The following ANKHD1 variants were observed in gnomAD, a reference collection of about 807,000 sequenced individuals.
The protein encoded by ANKHD1 is ankyrin repeat and KH domain-containing protein 1.
A neutral mutation model predicts 230.5 loss-of-function variants in ANKHD1; 31 were observed. The ratio of observed to expected loss-of-function variants is 0.13; its 90% CI spans 0.10 to 0.18. The LOEUF (loss-of-function observed/expected upper bound fraction) is 0.18. ANKHD1 is among the 10% of genes least tolerant of loss of function. ANKHD1 has a pLI of 1.00. For synonymous variants in ANKHD1, 1,074 were observed against 1,117.6 expected, an observed-to-expected ratio of 0.96 and a Z score of 0.78; for missense variants, 2,256 against 3,071.3, an observed-to-expected ratio of 0.73 and a Z score of 6.27.
chr5:140,459,358 A>T lies in ANKHD1; in HGVS notation c.1672+3A>T, dbSNP rs777265217. The T allele has an allele frequency of 6.4e-7, 1 of 1,556,596 alleles. No individual in the cohort carries two copies. Among genetic ancestry groups the T allele is most frequent in the East Asian group, 2.3e-5 (1 of 43,650 alleles). On this transcript the variant is annotated splice_donor_region_variant and intron_variant, in intron 9 of 33. Transcript: ENST00000360839. ...GGTTAAATATTTGCTGGCTTCTGGT[A>T]TGTGGCTTTAAGATGCCTTATTGCT...
At chr5:140,468,052 C>CTTTTTTTTTT (rs869172143) in intron 10 of ANKHD1, among the ~76,000 whole-genome samples, 8 of 52,412 alleles carry the variant, frequency 1.5e-4, no homozygotes, top group African/African-American at 1.8e-4. Context: ...TGTACTAATT[C>CTTTTTTTTTT]TTTTTTTTTT....
At chr5:140,484,610 T>G (rs1333904171) in intron 11 of ANKHD1, 1 of 152,204 alleles carries the variant, frequency 6.6e-6, no homozygotes, top group Admixed American at 6.5e-5. Context: ...CTTTGAAACA[T>G]TTTGAGTTAT....
chr5:140,514,185 A>G (rs1162710286), intron 24 of ANKHD1, among the ~76,000 whole-genome samples: 3 of 133,376 alleles, frequency 2.2e-5, no homozygotes, highest in African/African-American at 8.2e-5. Flanking sequence ...CTCTCTCTCT[A>G]TTAAAAAAAA....
At chr5:140,444,381 G>A (rs914371726) in intron 5 of ANKHD1, among the ~76,000 whole-genome samples, 5 of 152,120 alleles carry the variant, frequency 3.3e-5, no homozygotes, top group Non-Finnish European at 5.9e-5. Flanking sequence ...TCAGTAAGTT[G>A]CACCTACTGC....
At chr5:140,437,549 T>A (rs1773543138) in intron 2 of ANKHD1, among the ~76,000 whole-genome samples, 1 of 151,904 alleles carries the variant, frequency 6.6e-6, no homozygotes, top group Non-Finnish European at 1.5e-5. Flanking sequence ...CTAAAAAAAA[T>A]ACAAAAATTA....
intron 14 of ANKHD1, among the ~76,000 whole-genome samples, chr5:140,495,347 G>A (rs376960801): frequency 4.7e-5 from 7 of 150,528 alleles, no homozygotes; most frequent in African/African-American, 1.5e-4. Flanking sequence ...CCGGGTTCAC[G>A]CCATTCTCCT....
chr5:140,407,379 G>C (rs1393860171), intron 1 of ANKHD1, among the ~76,000 whole-genome samples: 1 of 151,034 alleles, frequency 6.6e-6, no homozygotes, highest in Non-Finnish European at 1.5e-5. Flanking sequence ...TTACAGGTGT[G>C]AGCCACCACA....
In ANKHD1 at chr5:140,539,586, T is replaced by C. The variant is rs957306105; in HGVS notation, c.*168T>C. ...TTGATTTCCTATCCACCTGATTATGTTCTCTGGTTAGTTTAGCCATTTTGA... is the reference window on the plus strand; with the variant it reads ...TTGATTTCCTATCCACCTGATTATGCTCTCTGGTTAGTTTAGCCATTTTGA... On this transcript the variant is annotated 3_prime_UTR_variant, in exon 34 of 34. Transcript: ENST00000360839. The C allele has an allele frequency of 2.7e-6, 2 of 753,700 alleles. No homozygotes were observed. The highest frequency in any genetic ancestry group is 3.5e-5 in the African/African-American group (2 of 56,538). 46.7% of individuals were successfully genotyped at this position (753,700 alleles called of 1,614,324 possible). A position where few individuals can be genotyped will look rare whatever the true frequency, so the allele number is the denominator to read the frequency against.
At chr5:140,409,016 A>T (rs991034327) in intron 1 of ANKHD1, among the ~76,000 whole-genome samples, 1 of 151,872 alleles carries the variant, frequency 6.6e-6, no homozygotes, top group African/African-American at 2.4e-5. Context: ...TACCCACTAG[A>T]TGCCAGTAGA....
rs141650611 is a variant in ANKHD1, at chr5:140,414,073, G to T, written c.306+11800G>T. Among the ~76,000 whole-genome samples, 333 of 152,248 alleles carry T rather than the reference G, an allele frequency of 2.2e-3. 2 individuals are homozygous for T. The highest frequency in any genetic ancestry group is 7.8e-3 in the African/African-American group (322 of 41,542). On this transcript the variant is annotated intron_variant, in intron 1 of 33. Transcript: ENST00000360839. ...TGGGATTACAGGTGTGAGCCACTGT[G>T]CCCGGTCTATCTGTTCATCTGTTGA...
chr5:140,508,479 C>T (rs1423626896), intron 20 of ANKHD1, among the ~76,000 whole-genome samples: 5 of 152,078 alleles, frequency 3.3e-5, no homozygotes, highest in African/African-American at 1.2e-4. Context: ...GGAGGCTGGG[C>T]GCGGTGGCTC....
At chr5:140,505,980 G>A in intron 18 of ANKHD1, 111 bp downstream of exon 18, 2 of 1,480,168 alleles carry the variant, frequency 1.4e-6, no homozygotes, top group Non-Finnish European at 1.8e-6. Flanking sequence ...TTGTGTGTTT[G>A]TTTTTCTGAG....
At position 140,496,480 on chromosome 5, in the gene ANKHD1, TTTAGCATGGCACTCTTTCAAACA is replaced by T; in HGVS notation, c.2246-37_2246-15del. On this transcript the variant is annotated splice_polypyrimidine_tract_variant and intron_variant, in intron 14 of 33. Transcript: ENST00000360839. ...TCTTTTCTTTTTTTTTTTTTTTTTT[TTTAGCATGGCACTCTTTCAAACA>T]TTTTTCATGTGCTTAGGTACATCCA... 2 of 1,182,648 alleles carry T rather than the reference TTTAGCATGGCACTCTTTCAAACA, an allele frequency of 1.7e-6. No individual in the cohort carries two copies. The highest frequency in any genetic ancestry group is 3.1e-5 in the Admixed American group (1 of 32,072). The allele number at this position is 1,182,648 out of a possible 1,614,324, so 73.3% of individuals were successfully genotyped here. A position where few individuals can be genotyped will look rare whatever the true frequency, so the allele number is the denominator to read the frequency against.
intron 22 of ANKHD1, among the ~76,000 whole-genome samples, chr5:140,510,847 C>T (rs776694587): frequency 2.0e-5 from 3 of 151,326 alleles, no homozygotes; most frequent in Non-Finnish European, 4.4e-5. Flanking sequence ...GAGTATGAAA[C>T]GGTCTCAGTC....
intron 24 of ANKHD1, among the ~76,000 whole-genome samples, chr5:140,521,299 A>G (rs878861121): frequency 6.6e-6 from 1 of 152,198 alleles, no homozygotes; most frequent in Non-Finnish European, 1.5e-5. Flanking sequence ...TAACTTATCC[A>G]TAATAAAAAA....
intron 30 of ANKHD1, among the ~76,000 whole-genome samples, chr5:140,536,488 A>G (rs1384326194): frequency 6.6e-6 from 1 of 152,238 alleles, no homozygotes; most frequent in Non-Finnish European, 1.5e-5. Flanking sequence ...ATCATGAGGT[A>G]GTCAGTGAGT....
chr5:140,478,237 CAATAGAA>C (rs969260023), intron 10 of ANKHD1, among the ~76,000 whole-genome samples: 11 of 150,782 alleles, frequency 7.3e-5, no homozygotes, highest in African/African-American at 2.7e-4. Context: ...AAAGTTAACA[CAATAGAA>C]AATAATTTTA....
chr5:140,445,725 C>T lies in ANKHD1; in HGVS notation c.914-17C>T. 8 of 1,521,744 alleles carry T rather than the reference C, an allele frequency of 5.3e-6. No individual in the cohort carries two copies. Among genetic ancestry groups the T allele is most frequent in the Non-Finnish European group, 4.4e-6 (5 of 1,129,174 alleles). 94.3% of individuals were successfully genotyped at this position (1,521,744 alleles called of 1,614,324 possible). A position where few individuals can be genotyped will look rare whatever the true frequency, so the allele number is the denominator to read the frequency against. On this transcript the variant is annotated splice_polypyrimidine_tract_variant and intron_variant, in intron 5 of 33. Coordinates refer to ENST00000360839, the MANE Select transcript of ANKHD1 (RefSeq NM_017747.3). The stretch of plus-strand genomic sequence containing the variant: ...TATATTCTGCTCATGTATTATATTT[C>T]TTCTTCTTCTTTTTAGGAAACACTG...
At chr5:140,459,079 A>C in intron 8 of ANKHD1, 85 bp from the exon 9 acceptor site, 5 of 1,241,188 alleles carry the variant, frequency 4.0e-6, no homozygotes, top group Non-Finnish European at 4.1e-6. Flanking sequence ...CAGAGAAGAC[A>C]GAGATGATTA....
Sources: gnomAD v4.1 joint callset for allele counts (sites outside exome capture counted in the v4.1 genomes callset) on GRCh38, gnomAD v4.1.1 for gene constraint, MANE v1.5 for transcripts, NCBI Gene and HGNC (gene_info 2026-07-23, HGNC 2026-07-21) for gene names.